Variants in PTK2 observed in about 807,000 individuals in gnomAD.
The protein encoded by PTK2 is focal adhesion kinase 1.
PTK2 carries 45 observed loss-of-function variants against 150.1 expected under a neutral mutation model. The ratio of observed to expected loss-of-function variants is 0.30; its 90% CI spans 0.24 to 0.38. The LOEUF is 0.38. Ranked by LOEUF, PTK2 falls within the 10% of genes least tolerant of loss-of-function variation. PTK2 has a pLI of 1.00. For synonymous variants in PTK2, 432 were observed against 449.2 expected (o/e 0.96, Z 0.48); for missense variants, 919 against 1,307.3 (o/e 0.70, Z 4.58).
At chr8:140,906,655 G>C (rs1003785465) in intron 2 of PTK2, among the ~76,000 whole-genome samples, 2 of 152,278 alleles carry the variant, frequency 1.3e-5, no homozygotes, top group Admixed American at 6.5e-5. Context: ...GTTACCAGAG[G>C]CTGGGAAGGG....
At chr8:140,939,085 A>G (rs1176352339) in intron 1 of PTK2, among the ~76,000 whole-genome samples, 1 of 152,118 alleles carries the variant, frequency 6.6e-6, no homozygotes, top group African/African-American at 2.4e-5. Context: ...GGGGAAGAAA[A>G]GGAAAGGGCT....
intron 3 of PTK2, among the ~76,000 whole-genome samples, chr8:140,882,088 G>A (rs896273620): frequency 1.3e-5 from 2 of 152,066 alleles, no homozygotes; most frequent in Admixed American, 6.6e-5. Flanking sequence ...TTCTCATTAC[G>A]CATCCATATC....
intron 2 of PTK2, among the ~76,000 whole-genome samples, chr8:140,907,069 G>A (rs920804622): frequency 2.0e-5 from 3 of 152,178 alleles, no homozygotes; most frequent in African/African-American, 7.2e-5. Context: ...GTACTGTGAA[G>A]ACAGATGCTC....
chr8:140,902,935 T>TTTTTTG (rs1568515317), intron 2 of PTK2, among the ~76,000 whole-genome samples: 17 of 136,922 alleles, frequency 1.2e-4, no homozygotes, highest in African/African-American at 3.4e-4. Flanking sequence ...TTTTTTTTTT[T>TTTTTTG]TTTTTTTTTT....
chr8:140,932,403 A>G (rs2100172153), intron 1 of PTK2, among the ~76,000 whole-genome samples: 1 of 151,754 alleles, frequency 6.6e-6, no homozygotes, highest in Non-Finnish European at 1.5e-5. Flanking sequence ...TTTAGTAGAG[A>G]GGGGGTTTCA....
chr8:140,961,880 C>A (rs922550358), intron 1 of PTK2, among the ~76,000 whole-genome samples: 1 of 152,008 alleles, frequency 6.6e-6, no homozygotes, highest in Admixed American at 6.6e-5. Flanking sequence ...TCCCTTCAAC[C>A]ATACAACCCA....
chr8:140,729,467 T>G (rs778996489), intron 22 of PTK2, among the ~76,000 whole-genome samples: 1 of 152,116 alleles, frequency 6.6e-6, no homozygotes, highest in Non-Finnish European at 1.5e-5. Flanking sequence ...TACAACACAC[T>G]CAAAATATGC....
chr8:140,868,610 A>G (rs1484397465), intron 4 of PTK2, among the ~76,000 whole-genome samples: 1 of 152,202 alleles, frequency 6.6e-6, no homozygotes, highest in Non-Finnish European at 1.5e-5. Context: ...AAGTTGTGCC[A>G]TCATTATGGA....
intron 16 of PTK2, among the ~76,000 whole-genome samples, chr8:140,760,605 G>A (rs1050669639): frequency 2.0e-5 from 3 of 152,176 alleles, no homozygotes; most frequent in Admixed American, 1.3e-4. Flanking sequence ...TGCTGCTAAT[G>A]GGTATAAAGT....
intron 14 of PTK2, 98 bp downstream of exon 14, chr8:140,789,376 G>C: frequency 1.8e-6 from 2 of 1,142,110 alleles, no homozygotes; most frequent in Non-Finnish European, 2.4e-6. Flanking sequence ...ATTTTCATAA[G>C]CTATTCTAGA....
chr8:140,906,813 A>C (rs1218282711), intron 2 of PTK2, among the ~76,000 whole-genome samples: 3 of 152,202 alleles, frequency 2.0e-5, no homozygotes, highest in Non-Finnish European at 4.4e-5. Flanking sequence ...TGTTCCCAAC[A>C]CAAAGGAAAG....
At chr8:140,802,795 G>T (rs940634715) in intron 11 of PTK2, among the ~76,000 whole-genome samples, 9 of 152,030 alleles carry the variant, frequency 5.9e-5, no homozygotes, top group Non-Finnish European at 1.2e-4. Context: ...ATGCTACACA[G>T]GTTTGTAGCT....
chr8:140,907,623 G>T (rs1335541309), intron 2 of PTK2, among the ~76,000 whole-genome samples: 3 of 152,090 alleles, frequency 2.0e-5, no homozygotes, highest in Non-Finnish European at 4.4e-5. Flanking sequence ...GAGTCTATGG[G>T]CATCATTTTC....
At chr8:140,975,915 T>A (rs1474250135) in intron 1 of PTK2, among the ~76,000 whole-genome samples, 2 of 152,182 alleles carry the variant, frequency 1.3e-5, no homozygotes, top group Non-Finnish European at 1.5e-5. Flanking sequence ...ATGAATTAAC[T>A]GAATGAACCA....
intron 1 of PTK2, among the ~76,000 whole-genome samples, chr8:140,976,039 T>C (rs2100189158): frequency 6.6e-6 from 1 of 152,224 alleles, no homozygotes; most frequent in Non-Finnish European, 1.5e-5. Flanking sequence ...TACATTTGTA[T>C]ACCACTCTAC....
intron 17 of PTK2, among the ~76,000 whole-genome samples, chr8:140,749,305 C>T (rs2154508894): frequency 6.6e-6 from 1 of 152,322 alleles, no homozygotes; most frequent in South Asian, 2.1e-4. Flanking sequence ...ATATTCACAA[C>T]CGTACTTTCA....
chr8:140,799,707 C>T (rs1028583954), intron 12 of PTK2, among the ~76,000 whole-genome samples: 4 of 152,140 alleles, frequency 2.6e-5, no homozygotes, highest in African/African-American at 9.7e-5. Flanking sequence ...CTTTATCCTC[C>T]TAATACCATA....
exon 17 of PTK2, chr8:140,752,310 G>C: frequency 6.2e-7 from 1 of 1,613,784 alleles, no homozygotes; most frequent in Non-Finnish European, 8.5e-7. Flanking sequence ...GCCAAAGCTG[G>C]ATTCTCCTGT....
At chr8:140,689,971 G>C (rs1249847697) in intron 26 of PTK2, among the ~76,000 whole-genome samples, 1 of 151,960 alleles carries the variant, frequency 6.6e-6, no homozygotes, top group Non-Finnish European at 1.5e-5. Flanking sequence ...TTATTTTTTT[G>C]AGATGGAGTC....
Sources: allele counts gnomAD v4.1 joint callset (sites outside exome capture counted in the v4.1 genomes callset), GRCh38; gene constraint gnomAD v4.1.1; transcripts MANE v1.5; gene names NCBI Gene and HGNC (gene_info 2026-07-23, HGNC 2026-07-21).